The following GABBR2 variants were observed in gnomAD, a reference collection of about 807,000 sequenced individuals.
The protein encoded by GABBR2 is gamma-aminobutyric acid type B receptor subunit 2.
Under a neutral mutation model 105.6 loss-of-function variants are expected in GABBR2, and 23 were observed. The observed-to-expected ratio is 0.22, with a 90% CI of 0.16 to 0.31. The LOEUF is 0.31. GABBR2 is among the 10% of genes least tolerant of loss of function. The pLI, the probability that GABBR2 is intolerant of heterozygous loss-of-function variation, is 1.00. For synonymous variants in GABBR2, 478 were observed against 499.7 expected (o/e 0.96, Z 0.58); for missense variants, 734 against 1,245.5 (o/e 0.59, Z 6.18).
chr9:98,322,804 T>C (rs1830847930), intron 13 of GABBR2, among the ~76,000 whole-genome samples: 1 of 152,078 alleles, frequency 6.6e-6, no homozygotes, highest in South Asian at 2.1e-4. Flanking sequence ...TCCTCCCACA[T>C]CCACTGCCCA....
intron 13 of GABBR2, among the ~76,000 whole-genome samples, chr9:98,318,647 C>T (rs1830762560): frequency 1.3e-5 from 2 of 152,164 alleles, no homozygotes; most frequent in African/African-American, 4.8e-5. Flanking sequence ...TTTATTCCTG[C>T]CACCACTGTG....
chr9:98,495,223 CTGATATGT>C (rs1421756807), intron 4 of GABBR2, among the ~76,000 whole-genome samples: 2 of 152,220 alleles, frequency 1.3e-5, no homozygotes, highest in Admixed American at 1.3e-4. Context: ...TGGTAGACAA[CTGATATGT>C]TGCTTCCCTT....
At chr9:98,430,447 A>G (rs1046810094) in intron 7 of GABBR2, among the ~76,000 whole-genome samples, 2 of 151,800 alleles carry the variant, frequency 1.3e-5, no homozygotes, top group Non-Finnish European at 2.9e-5. Context: ...ATTTCACCCC[A>G]CTCCTGAGAT....
chr9:98,708,507 C>A lies in GABBR2; in HGVS notation c.231G>T (p.Val77=). The change falls in exon 1 of 19, where the codon GTG becomes GTT. Residue 77 remains valine (V), a synonymous_variant. Coordinates refer to ENST00000259455, the MANE Select transcript of GABBR2 (RefSeq NM_005458.8). ...EVAKGSIGRG[V]LPAVELAIEQ... Reference sequence around the variant, plus strand: ...CGATGGCCAGTTCCACGGCGGGGAGCACACCGCGCCCGATGCTGCCCTTGG... The same window carrying A: ...CGATGGCCAGTTCCACGGCGGGGAGAACACCGCGCCCGATGCTGCCCTTGG... 6.3e-7 allele frequency: 1 copy of A among 1,596,288 alleles called. No homozygotes were observed. The highest frequency in any genetic ancestry group is 8.5e-7 in the Non-Finnish European group (1 of 1,173,098).
intron 1 of GABBR2, among the ~76,000 whole-genome samples, chr9:98,708,177 TC>T (rs1419638582): frequency 3.6e-5 from 5 of 138,600 alleles, no homozygotes; most frequent in African/African-American, 1.3e-4. Context: ...CCCCCACCCC[TC>T]CCCACACACA....
chr9:98,460,768 T>C (rs1826411132), intron 6 of GABBR2, among the ~76,000 whole-genome samples: 1 of 152,276 alleles, frequency 6.6e-6, no homozygotes, highest in Middle Eastern at 3.4e-3. Context: ...CCAACACACA[T>C]CAATACACAG....
intron 12 of GABBR2, among the ~76,000 whole-genome samples, chr9:98,367,917 G>T (rs761090904): frequency 1.3e-4 from 20 of 152,046 alleles, no homozygotes; most frequent in Non-Finnish European, 2.6e-4. Flanking sequence ...GGTTTTTATT[G>T]TTACAGTTTT....
chr9:98,662,878 C>T lies in GABBR2; in HGVS notation c.321+45539G>A, dbSNP rs1830282875. On this transcript the variant is annotated intron_variant, in intron 1 of 18. Coordinates refer to ENST00000259455, the MANE Select transcript of GABBR2 (RefSeq NM_005458.8). ...AGAGTCAAATCACAACACAGCCAGA[C>T]ATGGAAGCCCAGACAAGGTAACACA... 2.0e-5 allele frequency among the ~76,000 whole-genome samples: 3 copies of T among 152,170 alleles called. No individual in the cohort carries two copies. The South Asian group carries it at 6.2e-4, about 32-fold the overall frequency.
At chr9:98,672,761 T>A (rs992204657) in intron 1 of GABBR2, among the ~76,000 whole-genome samples, 1 of 150,658 alleles carries the variant, frequency 6.6e-6, no homozygotes, top group African/African-American at 2.5e-5. Flanking sequence ...AGACAGTTTA[T>A]CTTTAAAGTC....
intron 11 of GABBR2, among the ~76,000 whole-genome samples, chr9:98,373,851 CTTTTTTTTTTTTT>C (rs577915397): frequency 2.3e-5 from 2 of 86,692 alleles, no homozygotes; most frequent in African/African-American, 4.9e-5. Flanking sequence ...CAAAGCATTC[CTTTTTTTTTTTTT>C]TTTTTTTTTT....
chr9:98,662,231 G>A (rs1830273953), intron 1 of GABBR2, among the ~76,000 whole-genome samples: 1 of 152,128 alleles, frequency 6.6e-6, no homozygotes, highest in South Asian at 2.1e-4. Flanking sequence ...TGGTCGGTGG[G>A]ACACTCATAG....
intron 7 of GABBR2, among the ~76,000 whole-genome samples, chr9:98,441,699 T>C (rs1889983): frequency 0.21 from 32,302 of 152,176 alleles, 3,528 homozygotes; most frequent in Middle Eastern, 0.29. Flanking sequence ...AGTTTCAGTT[T>C]AGGATGATGA....
chr9:98,415,268 T>G lies in GABBR2; in HGVS notation c.1237-9127A>C, dbSNP rs147541106. 4.9e-3 allele frequency among the ~76,000 whole-genome samples: 753 copies of G among 152,258 alleles called. 9 individuals are homozygous for G. The highest frequency in any genetic ancestry group is 0.017 in the African/African-American group (695 of 41,558). On this transcript the variant is annotated intron_variant, in intron 7 of 18. Coordinates refer to ENST00000259455, the MANE Select transcript of GABBR2 (RefSeq NM_005458.8). ...GGTATTATTTTAATAACAAGAAAACTTTATTAAAAACTTTTTAAAAAGATG... is the reference window on the plus strand; with the variant it reads ...GGTATTATTTTAATAACAAGAAAACGTTATTAAAAACTTTTTAAAAAGATG...
chr9:98,606,606 G>A (rs1169415278), intron 1 of GABBR2, among the ~76,000 whole-genome samples: 4 of 149,314 alleles, frequency 2.7e-5, no homozygotes, highest in Admixed American at 6.8e-5. Flanking sequence ...TCAGCCTCCC[G>A]AGTAGCTGGG....
At chr9:98,326,594 C>G (rs1830929052) in intron 13 of GABBR2, among the ~76,000 whole-genome samples, 1 of 152,200 alleles carries the variant, frequency 6.6e-6, no homozygotes, top group Non-Finnish European at 1.5e-5. Context: ...GCAAGATTGG[C>G]CTGCTGCCTT....
intron 2 of GABBR2, among the ~76,000 whole-genome samples, chr9:98,565,949 T>C (rs1453040640): frequency 6.6e-6 from 1 of 152,204 alleles, no homozygotes; most frequent in African/African-American, 2.4e-5. Flanking sequence ...TGCCACCACA[T>C]GCACCCGTGT....
At position 98,314,307 on chromosome 9, in the gene GABBR2, A is replaced by C. The variant is rs937388490; in HGVS notation, c.1894-3102T>G. 2.0e-5 allele frequency among the ~76,000 whole-genome samples: 3 copies of C among 152,186 alleles called. No homozygotes were observed. In the East Asian group the frequency reaches 5.8e-4, roughly 29 times the overall value. On this transcript the variant is annotated intron_variant, in intron 13 of 18. Coordinates refer to ENST00000259455, the MANE Select transcript of GABBR2 (RefSeq NM_005458.8). ...AGGTGACAGAACTGGCTTGGTCCCA[A>C]GGTCAACTGACTTAGTGGCAGAATC...
intron 7 of GABBR2, among the ~76,000 whole-genome samples, chr9:98,423,193 T>A (rs917706747): frequency 5.3e-5 from 8 of 152,236 alleles, no homozygotes; most frequent in Non-Finnish European, 7.3e-5. Context: ...CCGCACTGAC[T>A]TCCACAATGG....
chr9:98,312,489 G>A (rs569770266), intron 13 of GABBR2, among the ~76,000 whole-genome samples: 16 of 152,292 alleles, frequency 1.1e-4, no homozygotes, highest in Middle Eastern at 6.8e-3. Flanking sequence ...CATGATTTCT[G>A]TCAGACATCC....
Sources: allele counts gnomAD v4.1 joint callset (sites outside exome capture counted in the v4.1 genomes callset), GRCh38; gene constraint gnomAD v4.1.1; transcripts MANE v1.5; gene names NCBI Gene and HGNC (gene_info 2026-07-23, HGNC 2026-07-21).